Variants in VWF observed in about 807,000 individuals in gnomAD.
VWF encodes the protein von Willebrand factor.
A neutral mutation model predicts 308.6 loss-of-function variants in VWF; 176 were observed. That is an observed-to-expected ratio of 0.57 (90% confidence interval 0.50 to 0.65). VWF has a LOEUF of 0.65. Ranked by LOEUF, VWF falls within the 30% of genes least tolerant of loss-of-function variation. The pLI, the probability that VWF is intolerant of heterozygous loss-of-function variation, is 0.00. For missense variants in VWF, 3,146 were observed against 3,648.2 expected, an observed-to-expected ratio of 0.86 and a Z score of 3.55; for synonymous variants, 1,385 against 1,443.4, an observed-to-expected ratio of 0.96 and a Z score of 0.92.
chr12:6,036,352 C>A, intron 19 of VWF, 36 bp downstream of exon 19: 1 of 1,600,658 alleles, frequency 6.2e-7, no homozygotes, highest in Non-Finnish European at 8.6e-7. Flanking sequence ...ACCCGCAGGG[C>A]CTGGGTCCCC....
At chr12:6,057,158 C>A in intron 14 of VWF, 86 bp from the exon 15 acceptor site, 1 of 1,280,496 alleles carries the variant, frequency 7.8e-7, no homozygotes, top group South Asian at 1.4e-5. Flanking sequence ...TGGAAATAGC[C>A]CAGTGCTGCT....
chr12:6,097,970 T>C (rs1565388708), intron 5 of VWF, among the ~76,000 whole-genome samples: 1 of 152,238 alleles, frequency 6.6e-6, no homozygotes, highest in Non-Finnish European at 1.5e-5. Context: ...CTGATCCCAA[T>C]TCCTTATGTG....
intron 47 of VWF, among the ~76,000 whole-genome samples, chr12:5,966,077 G>C (rs1173227250): frequency 6.6e-6 from 1 of 152,194 alleles, no homozygotes; most frequent in Non-Finnish European, 1.5e-5. Context: ...TGCAGGGAGT[G>C]AGCGGGCCTG....
intron 5 of VWF, among the ~76,000 whole-genome samples, chr12:6,097,391 T>C (rs1945116846): frequency 6.6e-6 from 1 of 152,016 alleles, no homozygotes; most frequent in Non-Finnish European, 1.5e-5. Context: ...GAGCCGAGAA[T>C]GCACCACTGC....
chr12:6,098,505 G>A (rs191448779), intron 5 of VWF, among the ~76,000 whole-genome samples: 93 of 152,302 alleles, frequency 6.1e-4, no homozygotes, highest in African/African-American at 1.6e-3. Flanking sequence ...CAAGCCTGGC[G>A]CAGTGGTTCA....
In VWF at chr12:5,949,125, G is replaced by A. The variant is rs368634026; in HGVS notation, c.8332C>T (p.Arg2778Trp). The stretch of plus-strand genomic sequence containing the variant: ...AGGGCCACCTGCATGGGCTCCGTCC[G>A]TGTCGGAGAGCAGCAGGAGCACTGG... The part of the protein sequence containing the change: ...QDQCSCCSPT[R>W]TEPMQVALHC... Residue 2778 changes from arginine (R) to tryptophan (W), a missense_variant, in exon 52 of 52, where the codon CGG (arginine) becomes TGG (tryptophan). By Grantham distance (101) the Arg-to-Trp change is moderately radical. This residue lies in a region of VWF where 989 missense variants were observed against 1,117.4 expected (regional missense o/e 0.89). Transcript: ENST00000261405. The A allele has an allele frequency of 5.0e-5, 80 of 1,614,234 alleles. No individual in the cohort carries two copies. Among genetic ancestry groups the A allele is most frequent in the Non-Finnish European group, 6.4e-5 (75 of 1,180,038 alleles).
At chr12:6,069,659 A>G (rs898346248) in intron 10 of VWF, among the ~76,000 whole-genome samples, 3 of 152,202 alleles carry the variant, frequency 2.0e-5, no homozygotes, top group African/African-American at 7.2e-5. Flanking sequence ...CTAGAAAAAG[A>G]TGGTCAGAGC....
intron 10 of VWF, among the ~76,000 whole-genome samples, chr12:6,068,134 C>CAA (rs200782717): frequency 2.3e-4 from 13 of 57,734 alleles, no homozygotes; most frequent in South Asian, 6.6e-4. Context: ...AACTCTGTCT[C>CAA]AAAAAAAAAA....
In VWF at chr12:5,983,161, T is replaced by G. The variant is rs750296925; in HGVS notation, c.7070A>C (p.Asn2357Thr). 9 of 1,613,698 alleles carry G rather than the reference T, an allele frequency of 5.6e-6. No homozygotes were observed. In the African/African-American group the frequency reaches 1.1e-4, roughly 19 times the overall value. The change falls in exon 41 of 52, where the codon AAC becomes ACC. Residue 2357 changes from asparagine (N) to threonine (T), a missense_variant. Around this residue, in one of 3 missense-constraint regions of VWF, gnomAD observed 989 missense variants for 1,117.4 expected, o/e 0.89. Transcript: ENST00000261405. ...CACAGAGGCCTTACCGCAGGTGAAG[T>G]TGGGTCTGCACTCGCCAGGGTTGGT... ...TLTNPGECRP[N>T]FTCACRKEEC...
chr12:5,981,063 C>T (rs1289770025), intron 42 of VWF, among the ~76,000 whole-genome samples: 1 of 152,236 alleles, frequency 6.6e-6, no homozygotes, highest in East Asian at 1.9e-4. Context: ...TATATACTAA[C>T]AAGGGCATAC....
Position 6,021,920 on chromosome 12 carries a change from G to C in VWF, c.3654C>G (p.Asp1218Glu), listed in dbSNP as rs746935137. 6.2e-7 allele frequency: 1 copy of C among 1,614,168 alleles called. No individual in the cohort carries two copies. The highest frequency in any genetic ancestry group is 1.1e-5 in the South Asian group (1 of 91,076). ...SGKKVTLNPS[D>E]PEHCQICHCD... ...TTTACCAAATCTGGCAGTGCTCAGG[G>C]TCACTGGGATTCAAGGTGACTTTCT... Residue 1218 changes from aspartate to glutamate, a missense_variant, in exon 27 of 52, where the codon GAC becomes GAG. Transcript: ENST00000261405.
intron 3 of VWF, among the ~76,000 whole-genome samples, chr12:6,116,098 A>G (rs1474745706): frequency 6.6e-6 from 1 of 152,146 alleles, no homozygotes; most frequent in African/African-American, 2.4e-5. Context: ...TGCAGCCATT[A>G]GGAAAACGAG....
chr12:5,987,696 G>A (rs1438228548), intron 38 of VWF, among the ~76,000 whole-genome samples: 1 of 152,254 alleles, frequency 6.6e-6, no homozygotes, highest in Non-Finnish European at 1.5e-5. Flanking sequence ...ACAGCATCAT[G>A]GATGAATCCC....
rs777061412 is a variant in VWF, at chr12:6,060,027, C to T, written c.1534-1983G>A. Among the ~76,000 whole-genome samples the T allele has an allele frequency of 6.6e-6, 1 of 151,992 alleles. No homozygotes were observed. Among genetic ancestry groups the T allele is most frequent in the East Asian group, 1.9e-4 (1 of 5,186 alleles). On this transcript the variant is annotated intron_variant, in intron 13 of 51. Coordinates refer to ENST00000261405, the MANE Select transcript of VWF (RefSeq NM_000552.5). This position sits in a 1 kb window ranked among gnomAD's most constrained non-coding sequence, Gnocchi z 5.1. ...ACCCCCACCAAGCCAGCCATCACTC[C>T]CATGTCCCACTCTAAAACCAGGTCT...
chr12:6,037,447 T>C (rs1944349798), intron 18 of VWF, among the ~76,000 whole-genome samples: 1 of 152,178 alleles, frequency 6.6e-6, no homozygotes, highest in Admixed American at 6.5e-5. Context: ...CCATGGGGTA[T>C]GCTCTACTTC....
intron 3 of VWF, among the ~76,000 whole-genome samples, chr12:6,118,577 G>T (rs1171074806): frequency 6.6e-6 from 1 of 151,714 alleles, no homozygotes; most frequent in African/African-American, 2.4e-5. Flanking sequence ...AGTAGTGACG[G>T]GGTTTCACCA....
At position 6,110,479 on chromosome 12, in the gene VWF, TGCCATCGATCCTG is replaced by T. The variant is rs1312486904; in HGVS notation, c.414_426del (p.Arg139AlafsTer32). 1.2e-6 allele frequency: 2 copies of T among 1,614,184 alleles called. No homozygotes were observed. Among genetic ancestry groups the T allele is most frequent in the Non-Finnish European group, 1.7e-6 (2 of 1,180,032 alleles). ...GACAGCAGGACTTGAAAGTTGCCGC[TGCCATCGATCCTG>T]GCCACAAAGCCATAGGCCTCACCGG... On this transcript the variant is annotated frameshift_variant, in exon 5 of 52. Transcript: ENST00000261405. LOFTEE classifies it high-confidence loss of function.
At chr12:5,970,051 T>C (rs927067341) in intron 44 of VWF, among the ~76,000 whole-genome samples, 1 of 152,188 alleles carries the variant, frequency 6.6e-6, no homozygotes, top group South Asian at 2.1e-4. Flanking sequence ...CTACTTCTCC[T>C]GGTGCCTGCT....
intron 20 of VWF, 107 bp from the exon 21 acceptor site, chr12:6,031,685 T>C (rs1245569239): frequency 3.2e-6 from 5 of 1,551,586 alleles, no homozygotes; most frequent in African/African-American, 2.7e-5. Context: ...TGTCACAGGA[T>C]CTTGCCACGT....
Sources: gnomAD v4.1 joint callset for allele counts (sites outside exome capture counted in the v4.1 genomes callset) on GRCh38, gnomAD v4.1.1 for gene constraint, gnomAD v4.1.1 regional missense constraint, Gnocchi (gnomAD v3.1) non-coding constraint, MANE v1.5 for transcripts, NCBI Gene and HGNC (gene_info 2026-07-23, HGNC 2026-07-21) for gene names.